Variants in PPP1R12C observed in about 807,000 individuals in gnomAD.
PPP1R12C encodes the protein leukocyte receptor cluster (LRC) encoded novel gene 3.
PPP1R12C carries 48 observed loss-of-function variants against 95.6 expected under a neutral mutation model. The ratio of observed to expected loss-of-function variants is 0.50; its 90% confidence interval spans 0.40 to 0.64. The LOEUF (loss-of-function observed/expected upper bound fraction) is 0.64, where lower values mean the gene tolerates loss of function less well. Ranked by LOEUF, PPP1R12C falls within the 30% of genes least tolerant of loss-of-function variation. The pLI, the probability that PPP1R12C is intolerant of heterozygous loss-of-function variation, is 0.00. For synonymous variants in PPP1R12C, 480 were observed against 460.8 expected, an observed-to-expected ratio of 1.04 and a Z score of -0.53; for missense variants, 1,057 against 1,083.3, an observed-to-expected ratio of 0.98 and a Z score of 0.34.
intron 4 of PPP1R12C, 85 bp from the exon 5 acceptor site, chr19:55,099,180 G>A: frequency 1.4e-6 from 2 of 1,409,290 alleles, no homozygotes; most frequent in Non-Finnish European, 1.9e-6. Context: ...TGGTAACGAG[G>A]TCCCAGGCCA....
At chr19:55,092,362 G>T in intron 18 of PPP1R12C, 36 bp from the exon 19 acceptor site, 2 of 1,573,506 alleles carry the variant, frequency 1.3e-6, no homozygotes, top group South Asian at 2.3e-5. Context: ...GGTGGAGGAT[G>T]GGGCGATGCT....
At chr19:55,103,768 C>G (rs994874173) in intron 3 of PPP1R12C, among the ~76,000 whole-genome samples, 200 bp from the exon 4 acceptor site, 5 of 152,106 alleles carry the variant, frequency 3.3e-5, no homozygotes, top group African/African-American at 1.2e-4. Flanking sequence ...CACTCAGGGT[C>G]TCTGAGTCAG....
At chr19:55,099,125 G>A (rs2084954582) in intron 4 of PPP1R12C, 30 bp from the exon 5 acceptor site, 7 of 1,489,690 alleles carry the variant, frequency 4.7e-6, no homozygotes, top group Middle Eastern at 2.0e-4. Context: ...AGGGTCAGAG[G>A]CCAAGGCGGG....
At chr19:55,116,063 G>A (rs935118348) in intron 1 of PPP1R12C, among the ~76,000 whole-genome samples, 1 of 152,202 alleles carries the variant, frequency 6.6e-6, no homozygotes, top group African/African-American at 2.4e-5. Flanking sequence ...ATCCACAGGA[G>A]AACGGGGTGT....
rs566932830 is a variant in PPP1R12C, at chr19:55,091,680, G to T, written c.2232C>A (p.Arg744=). The T allele has an allele frequency of 6.2e-7, 1 of 1,611,556 alleles. No individual in the cohort carries two copies. Among genetic ancestry groups the T allele is most frequent in the East Asian group, 2.2e-5 (1 of 44,720 alleles). ...LERFERRALE[R]KAAELEEELK... ...GCTCCTCCTCCAGCTCTGCGGCCTT[G>T]CGTTCCAGGGCCCTGCGCTCCTGGA... The change falls in exon 21 of 22, where the codon CGC becomes CGA. Residue 744 remains arginine, a synonymous_variant. Coordinates refer to ENST00000263433, the MANE Select transcript of PPP1R12C (RefSeq NM_017607.4).
At position 55,091,508 on chromosome 19, in the gene PPP1R12C, T is replaced by C. The variant is rs766200167; in HGVS notation, c.2313A>G (p.Ala771=). The stretch of plus-strand genomic sequence containing the variant: ...GTTTGCTGATGACGCGGATCAACGC[T>C]GCATTCTCATCCTTGAGGCGCTGGT... The part of the protein sequence containing the change: ...ADNQRLKDEN[A]ALIRVISKLS... The change falls in exon 22 of 22, where the codon GCA becomes GCG. Residue 771 remains alanine (A), a synonymous_variant. Coordinates refer to ENST00000263433, the MANE Select transcript of PPP1R12C (RefSeq NM_017607.4). 1 of 1,614,054 alleles carries C rather than the reference T, an allele frequency of 6.2e-7. No homozygotes were observed. The highest frequency in any genetic ancestry group is 1.7e-5 in the Admixed American group (1 of 60,016).
At chr19:55,108,348 G>A (rs2147205248) in intron 3 of PPP1R12C, among the ~76,000 whole-genome samples, 1 of 152,190 alleles carries the variant, frequency 6.6e-6, no homozygotes, top group South Asian at 2.1e-4. Context: ...TGTACCCTAG[G>A]TCAGGGACAA....
At chr19:55,094,987 A>G (rs778608499) in intron 11 of PPP1R12C, 189 bp from the exon 12 acceptor site, 1 of 743,092 alleles carries the variant, frequency 1.3e-6, no homozygotes, top group Non-Finnish European at 2.2e-6. Flanking sequence ...AGGATAAAGG[A>G]CTCTGGACAG....
intron 3 of PPP1R12C, among the ~76,000 whole-genome samples, chr19:55,107,865 T>C (rs1450211847): frequency 6.8e-6 from 1 of 148,070 alleles, no homozygotes; most frequent in African/African-American, 2.5e-5. Context: ...AAAATAAAAA[T>C]AAAAATAAAG....
At position 55,100,597 on chromosome 19, in the gene PPP1R12C, G is replaced by A. The variant is rs181769465; in HGVS notation, c.732-1502C>T. ...CATATACCTCTACTCTGCAACAAAT[G>A]TTTTTTTGTTTTGTTTTGGTTTGGT... On this transcript the variant is annotated intron_variant, in intron 4 of 21. Transcript: ENST00000263433. Among the ~76,000 whole-genome samples, 840 of 152,328 alleles carry A rather than the reference G, an allele frequency of 5.5e-3. 7 individuals carry two copies. The highest frequency in any genetic ancestry group is 0.019 in the African/African-American group (795 of 41,564).
Position 55,103,514 on chromosome 19 carries a change from G to C in PPP1R12C, c.626C>G (p.Thr209Arg). The change falls in exon 4 of 22, where the codon ACG becomes AGG. Residue 209 changes from threonine to arginine, a missense_variant. Thr to Arg is a moderately conservative substitution (Grantham distance 71, BLOSUM62 -1). Transcript: ENST00000263433. ...RAEEELLLHD[T>R]RCWLNGGAMP... ...GGCGCCCCCATTCAGCCAGCACCTC[G>C]TGTCATGAAGGAGCAATTCCTCTTC... 1 of 1,602,782 alleles carries C rather than the reference G, an allele frequency of 6.2e-7. No homozygotes were observed. Among genetic ancestry groups the C allele is most frequent in the Non-Finnish European group, 8.5e-7 (1 of 1,172,150 alleles).
In PPP1R12C at chr19:55,095,930, A is replaced by G. The variant is rs1202679452; in HGVS notation, c.1164T>C (p.Pro388=). ...CGCCATTGAGGGTTCTGGGTTCTGCAGGGGGTGGTTCTGTGATGTGGGAAC... is the reference window on the plus strand; with the variant it reads ...CGCCATTGAGGGTTCTGGGTTCTGCGGGGGGTGGTTCTGTGATGTGGGAAC... ...EGEEGPTEPP[P]AEPRTLNGVS... Residue 388 remains proline (P), a synonymous_variant, in exon 9 of 22, where the codon CCT becomes CCC. Transcript: ENST00000263433. 1.2e-6 allele frequency: 2 copies of G among 1,613,050 alleles called. No homozygotes were observed. Among genetic ancestry groups the G allele is most frequent in the South Asian group, 2.2e-5 (2 of 91,064 alleles).
intron 3 of PPP1R12C, among the ~76,000 whole-genome samples, chr19:55,106,352 A>T (rs193128283): frequency 1.3e-5 from 2 of 152,364 alleles, no homozygotes; most frequent in Admixed American, 1.3e-4. Flanking sequence ...CAGGAGTGGA[A>T]CTGCTAGAAC....
chr19:55,102,876 T>G lies in PPP1R12C; in HGVS notation c.731+533A>C, dbSNP rs138736403. ...CCACAATGCAATTAAGCCAGGAAAA[T>G]AGTAACAAAATGATGACTAGAAGTC... On this transcript the variant is annotated intron_variant, in intron 4 of 21. Transcript: ENST00000263433. Among the ~76,000 whole-genome samples, 44 of 152,236 alleles carry G rather than the reference T, an allele frequency of 2.9e-4. No homozygotes were observed. The East Asian group carries it at 7.9e-3, about 27-fold the overall frequency.
In PPP1R12C at chr19:55,117,428, G is replaced by C. The variant is rs922039970; in HGVS notation, c.116C>G (p.Pro39Arg). Reference sequence around the variant, plus strand: ...GACGGTGCGGGCGCGGCGCTCTCCGGGGCCAGGCTCGGCGCCCGCCCGCGC... The same window carrying C: ...GACGGTGCGGGCGCGGCGCTCTCCGCGGCCAGGCTCGGCGCCCGCCCGCGC... ...WGARAGAEPG[P>R]GERRARTVRF... Residue 39 changes from proline to arginine, a missense_variant, in exon 1 of 22, where the codon CCC becomes CGC. By Grantham distance (103) the Pro-to-Arg change is moderately radical. This residue lies in a region of PPP1R12C where 70 missense variants were observed against 47.8 expected (regional missense o/e 1.46). Transcript: ENST00000263433. 2 of 1,004,950 alleles carry C rather than the reference G, an allele frequency of 2.0e-6. No individual in the cohort carries two copies. The allele number at this position is 1,004,950 out of a possible 1,614,324, so 62.3% of individuals were successfully genotyped here.
At chr19:55,105,995 C>T (rs2085034475) in intron 3 of PPP1R12C, among the ~76,000 whole-genome samples, 1 of 151,804 alleles carries the variant, frequency 6.6e-6, no homozygotes, top group African/African-American at 2.4e-5. Flanking sequence ...GCCCCTTGCA[C>T]CCAGCAATCT....
chr19:55,100,869 C>T (rs1179123406), intron 4 of PPP1R12C, among the ~76,000 whole-genome samples: 5 of 152,098 alleles, frequency 3.3e-5, no homozygotes, highest in Non-Finnish European at 7.3e-5. Context: ...GCCTCGACCT[C>T]CCAAAGTGCT....
Position 55,095,514 on chromosome 19 carries a change from C to G in PPP1R12C, c.1317G>C (p.Ala439=), listed in dbSNP as rs775246943. 11 of 1,578,480 alleles carry G rather than the reference C, an allele frequency of 7.0e-6. No homozygotes were observed. Among genetic ancestry groups the G allele is most frequent in the Non-Finnish European group, 8.6e-6 (10 of 1,162,368 alleles). ...GALGPPERRT[A]EGAPGAGLQR... The stretch of plus-strand genomic sequence containing the variant: ...GCAGCCCAGCCCCAGGGGCTCCCTC[C>G]GCTGTCCGCCTTTCAGGGGGACCCA... Residue 439 remains alanine, a synonymous_variant, in exon 10 of 22, where the codon GCG becomes GCC. Transcript: ENST00000263433.
Position 55,091,887 on chromosome 19 carries a change from C to T in PPP1R12C, c.2183G>A (p.Arg728Lys). The T allele has an allele frequency of 1.9e-6, 3 of 1,613,372 alleles. No individual in the cohort carries two copies. The highest frequency in any genetic ancestry group is 2.5e-6 in the Non-Finnish European group (3 of 1,180,008). ...TCTCTCCAGTTCCAGGAGGGCTGGC[C>T]TCTCAGCGAAGCGTTCTTGCCTCTG... The part of the protein sequence containing the change: ...ATQRQERFAE[R>K]PALLELERFE... Residue 728 changes from arginine (R) to lysine (K), a missense_variant, in exon 20 of 22, where the codon AGG becomes AAG. Arg to Lys is a conservative substitution (Grantham distance 26). Transcript: ENST00000263433.
Sources: gnomAD v4.1 joint callset for allele counts (sites outside exome capture counted in the v4.1 genomes callset) on GRCh38, gnomAD v4.1.1 for gene constraint, gnomAD v4.1.1 regional missense constraint, MANE v1.5 for transcripts, NCBI Gene and HGNC (gene_info 2026-07-23, HGNC 2026-07-21) for gene names.